Variants in NKAIN3 observed in about 807,000 individuals in gnomAD.
NKAIN3 encodes the protein sodium/potassium-transporting ATPase subunit beta-1-interacting protein 3.
In NKAIN3, 25 loss-of-function variants were observed where a neutral mutation model predicts 30.2. That is an observed-to-expected ratio of 0.83 (90% CI 0.60 to 1.16). The LOEUF (loss-of-function observed/expected upper bound fraction) is 1.16. Among genes scored for constraint, NKAIN3 ranks in the 50% most tolerant of loss-of-function variants. The pLI is 0.00. For synonymous variants in NKAIN3, 91 were observed against 89.6 expected (o/e 1.02, Z -0.09); for missense variants, 225 against 254.1 (o/e 0.89, Z 0.78).
intron 4 of NKAIN3, among the ~76,000 whole-genome samples, chr8:62,859,605 CGTGT>C: frequency 6.9e-6 from 1 of 145,230 alleles, no homozygotes; most frequent in East Asian, 2.0e-4. Flanking sequence ...TACATATATG[CGTGT>C]GTGTGTGTGC....
intron 1 of NKAIN3, among the ~76,000 whole-genome samples, chr8:62,313,493 C>T (rs1814513409): frequency 6.6e-6 from 1 of 152,080 alleles, no homozygotes; most frequent in Non-Finnish European, 1.5e-5. Context: ...ACATAAACTT[C>T]ACTAGGATGT....
chr8:62,597,640 C>G (rs1810873346), intron 3 of NKAIN3, among the ~76,000 whole-genome samples: 1 of 151,840 alleles, frequency 6.6e-6, no homozygotes, highest in African/African-American at 2.4e-5. Context: ...ACTTAGTAGG[C>G]TTTTCACTGG....
intron 4 of NKAIN3, among the ~76,000 whole-genome samples, chr8:62,788,690 C>G (rs1483053319): frequency 6.6e-6 from 1 of 151,876 alleles, no homozygotes; most frequent in Non-Finnish European, 1.5e-5. Flanking sequence ...AGTCTTTAAT[C>G]CATCTTGAAT....
At chr8:62,466,206 A>T (rs1402981733) in intron 1 of NKAIN3, among the ~76,000 whole-genome samples, 1 of 152,140 alleles carries the variant, frequency 6.6e-6, no homozygotes, top group East Asian at 1.9e-4. Flanking sequence ...GTTTTTGGAC[A>T]GAGGAAATTT....
intron 5 of NKAIN3, among the ~76,000 whole-genome samples, chr8:62,943,258 T>TA (rs1348992214): frequency 6.6e-6 from 1 of 151,998 alleles, no homozygotes; most frequent in African/African-American, 2.4e-5. Flanking sequence ...AAAAAGAAGA[T>TA]ACGCAAATTG....
intron 4 of NKAIN3, among the ~76,000 whole-genome samples, chr8:62,806,734 G>A (rs1818298898): frequency 6.6e-6 from 1 of 151,682 alleles, no homozygotes; most frequent in Non-Finnish European, 1.5e-5. Flanking sequence ...CAGCACACCA[G>A]CATGGCACAT....
chr8:62,675,028 T>C (rs1303792729), intron 3 of NKAIN3, among the ~76,000 whole-genome samples: 2 of 152,180 alleles, frequency 1.3e-5, no homozygotes, highest in Admixed American at 1.3e-4. Flanking sequence ...TGAGGAACAG[T>C]GTAGTCTTTG....
chr8:62,511,919 C>T (rs925902671), intron 1 of NKAIN3, among the ~76,000 whole-genome samples: 2 of 152,076 alleles, frequency 1.3e-5, no homozygotes, highest in South Asian at 2.1e-4. Context: ...TATTTATGAC[C>T]GTGGAATTGT....
At chr8:62,379,152 C>T (rs1817188416) in intron 1 of NKAIN3, among the ~76,000 whole-genome samples, 1 of 152,210 alleles carries the variant, frequency 6.6e-6, no homozygotes, top group South Asian at 2.1e-4. Flanking sequence ...TTTGGACTTA[C>T]ATGGGGCCTG....
intron 6 of NKAIN3, among the ~76,000 whole-genome samples, chr8:62,959,433 GGTGTGTGT>G (rs35737951): frequency 4.9e-5 from 7 of 143,246 alleles, no homozygotes; most frequent in South Asian, 2.3e-4. Flanking sequence ...GACAAATCAG[GGTGTGTGT>G]GTGTGTGTGT....
rs575572025 is a variant in NKAIN3 at position 62,835,162 on chromosome 8, A to G, written c.472-83291A>G. Among the ~76,000 whole-genome samples, 59 of 149,948 alleles carry G rather than the reference A, an allele frequency of 3.9e-4. No individual in the cohort carries two copies. The Middle Eastern group carries it at 0.01, about 26-fold the overall frequency. On this transcript the variant is annotated intron_variant, in intron 4 of 6. Coordinates refer to ENST00000623646, the MANE Select transcript of NKAIN3 (RefSeq NM_001304533.3). ...ATTTGAATACCTACCTTTCACATATACAATACTGAAAATGGATTAAATATC... is the reference window on the plus strand; with the variant it reads ...ATTTGAATACCTACCTTTCACATATGCAATACTGAAAATGGATTAAATATC...
chr8:62,694,585 C>T (rs185967894), intron 3 of NKAIN3, among the ~76,000 whole-genome samples: 148 of 152,230 alleles, frequency 9.7e-4, no homozygotes, highest in Non-Finnish European at 1.5e-3. Context: ...AGAACCTCCT[C>T]TATGTTACAA....
At chr8:62,659,580 TG>T (rs1456657376) in intron 3 of NKAIN3, among the ~76,000 whole-genome samples, 1 of 152,208 alleles carries the variant, frequency 6.6e-6, no homozygotes, top group Non-Finnish European at 1.5e-5. Context: ...CATGGTCTGT[TG>T]CACTGGATGG....
intron 3 of NKAIN3, among the ~76,000 whole-genome samples, chr8:62,599,870 G>A (rs1320292504): frequency 6.6e-6 from 1 of 151,902 alleles, no homozygotes; most frequent in Non-Finnish European, 1.5e-5. Flanking sequence ...TGTTTTTCTT[G>A]CCACACTTTA....
At chr8:62,259,918 G>A (rs1412347871) in intron 1 of NKAIN3, among the ~76,000 whole-genome samples, 1 of 152,104 alleles carries the variant, frequency 6.6e-6, no homozygotes, top group Non-Finnish European at 1.5e-5. Flanking sequence ...GTACTGACAA[G>A]GGCTCTAATT....
intron 6 of NKAIN3, among the ~76,000 whole-genome samples, chr8:62,964,977 T>C (rs928880971): frequency 8.5e-5 from 13 of 152,156 alleles, no homozygotes; most frequent in Admixed American, 7.9e-4. Context: ...CAGGATGATC[T>C]TGAGCACTTA....
intron 1 of NKAIN3, among the ~76,000 whole-genome samples, chr8:62,576,305 A>T (rs1467776750): frequency 6.6e-6 from 1 of 152,218 alleles, no homozygotes; most frequent in East Asian, 1.9e-4. Context: ...TGAGCAAAAG[A>T]TGCATTTTTC....
Position 62,700,872 on chromosome 8 carries a change from T to G in NKAIN3, c.274-46060T>G, listed in dbSNP as rs555143988. On this transcript the variant is annotated intron_variant, in intron 3 of 6. Transcript: ENST00000623646. ...TTCTAAGCTGAAAAATATTGTATTTTTATACTATTGTCTTCCATCCATTTA... is the reference window on the plus strand; with the variant it reads ...TTCTAAGCTGAAAAATATTGTATTTGTATACTATTGTCTTCCATCCATTTA... 5.9e-5 allele frequency among the ~76,000 whole-genome samples: 9 copies of G among 152,350 alleles called. No homozygotes were observed. In the East Asian group the frequency reaches 1.7e-3, roughly 29 times the overall value.
chr8:62,788,651 G>A (rs1055035583), intron 4 of NKAIN3, among the ~76,000 whole-genome samples: 2 of 151,892 alleles, frequency 1.3e-5, no homozygotes, highest in African/African-American at 4.8e-5. Context: ...TTTCTTCTAG[G>A]GTTTTTATGG....
Sources: allele counts gnomAD v4.1 joint callset (sites outside exome capture counted in the v4.1 genomes callset), GRCh38; gene constraint gnomAD v4.1.1; transcripts MANE v1.5; gene names NCBI Gene and HGNC (gene_info 2026-07-23, HGNC 2026-07-21).